Variants in TRIM2 observed in about 807,000 individuals in gnomAD.
TRIM2 encodes tripartite motif-containing protein 2.
Under a neutral mutation model 75.2 loss-of-function variants are expected in TRIM2, and 20 were observed. That is an observed-to-expected ratio of 0.27 (90% CI 0.19 to 0.39). The LOEUF is 0.39. Ranked by LOEUF, TRIM2 falls within the 10% of genes least tolerant of loss-of-function variation. The pLI is 1.00. For missense variants in TRIM2, 660 were observed against 990.8 expected (o/e 0.67, Z 4.48); for synonymous variants, 373 against 388.3 (o/e 0.96, Z 0.46).
intron 1 of TRIM2, among the ~76,000 whole-genome samples, chr4:153,242,265 G>A (rs1182709302): frequency 6.6e-6 from 1 of 151,848 alleles, no homozygotes; most frequent in East Asian, 1.9e-4. Context: ...AGGATATGCG[G>A]ATTCTTAACT....
chr4:153,203,432 CGA>C (rs1299359416), upstream of TRIM2, among the ~76,000 whole-genome samples: 68 of 145,118 alleles, frequency 4.7e-4, no homozygotes, highest in African/African-American at 1.7e-3. Context: ...CACACACACA[CGA>C]AGAAGAACAT....
At chr4:153,175,046 A>G (rs534434605) in intron 1 of TRIM2, among the ~76,000 whole-genome samples, 1 of 151,392 alleles carries the variant, frequency 6.6e-6, no homozygotes. Context: ...TTTTGCTCCT[A>G]TTGCCCAGGT....
upstream of TRIM2, among the ~76,000 whole-genome samples, chr4:153,152,966 C>G (rs1320019126): frequency 1.3e-5 from 2 of 152,230 alleles, no homozygotes; most frequent in African/African-American, 4.8e-5. Context: ...ACAGTCACTT[C>G]AGCGGCGGCG....
chr4:153,263,102 G>A (rs1314113967), intron 1 of TRIM2, among the ~76,000 whole-genome samples: 1 of 152,182 alleles, frequency 6.6e-6, no homozygotes, highest in Non-Finnish European at 1.5e-5. Flanking sequence ...AGGCTGAAGC[G>A]AGAGGATCAC....
intron 1 of TRIM2, among the ~76,000 whole-genome samples, chr4:153,161,529 C>T (rs11099872): frequency 0.44 from 66,670 of 152,004 alleles, 15,752 homozygotes; most frequent in Non-Finnish European, 0.55. Context: ...AATTTAAAGC[C>T]GTTGCTTTTC....
At chr4:153,205,617 AG>A (rs1735200167) in intron 1 of TRIM2, among the ~76,000 whole-genome samples, 1 of 152,176 alleles carries the variant, frequency 6.6e-6, no homozygotes, top group Non-Finnish European at 1.5e-5. Context: ...TATCGACAGG[AG>A]CCTGATAAAA....
At chr4:153,183,477 G>A (rs1732279857) in intron 1 of TRIM2, among the ~76,000 whole-genome samples, 2 of 152,232 alleles carry the variant, frequency 1.3e-5, no homozygotes, top group Non-Finnish European at 2.9e-5. Context: ...GAGCACAGGT[G>A]TGGGAACCTG....
chr4:153,166,343 C>T lies in TRIM2; in HGVS notation c.-49+13073C>T, dbSNP rs76313107. ...TCCATTCGTATTTAAGAGTGAGGTT[C>T]TATAACACTTGATTGGAGTCTTTGC... On this transcript the variant is annotated intron_variant, in intron 1 of 11. Transcript: ENST00000437508. 5.5e-3 allele frequency among the ~76,000 whole-genome samples: 837 copies of T among 152,252 alleles called. 5 individuals carry two copies. The highest frequency in any genetic ancestry group is 0.018 in the African/African-American group (752 of 41,558).
At chr4:153,189,333 A>G (rs536337555) in intron 1 of TRIM2, among the ~76,000 whole-genome samples, 1 of 152,342 alleles carries the variant, frequency 6.6e-6, no homozygotes, top group East Asian at 1.9e-4. Context: ...GAAATGGGGT[A>G]GGTCTTTAAA....
chr4:153,204,545 C>T lies in TRIM2; in HGVS notation c.15C>T (p.Gly5=). 6.4e-7 allele frequency: 1 copy of T among 1,551,678 alleles called. No homozygotes were observed. The change falls in exon 1 of 12, where the codon GGC becomes GGT. Residue 5 remains glycine (G), a synonymous_variant. Coordinates refer to ENST00000338700, the MANE Select transcript of TRIM2 (RefSeq NM_015271.5). ...TCTGGTCTTCGATGCACAGGAGTGGCCGTTATGGAACGCAGGTAAGGACGC... is the reference window on the plus strand; with the variant it reads ...TCTGGTCTTCGATGCACAGGAGTGGTCGTTATGGAACGCAGGTAAGGACGC... MHRS[G]RYGTQQQRAG... is the part of the protein sequence containing the mutation.
At chr4:153,252,126 C>G (rs1398360849) in intron 1 of TRIM2, among the ~76,000 whole-genome samples, 7 of 152,162 alleles carry the variant, frequency 4.6e-5, no homozygotes, top group Non-Finnish European at 1.0e-4. Context: ...TCCTCCAACC[C>G]CAATAAAGCT....
chr4:153,253,295 G>A (rs564099121), intron 1 of TRIM2, among the ~76,000 whole-genome samples: 8 of 152,250 alleles, frequency 5.3e-5, no homozygotes, highest in Non-Finnish European at 8.8e-5. Context: ...TAGTGTTGTG[G>A]GGACAGATGT....
intron 1 of TRIM2, among the ~76,000 whole-genome samples, chr4:153,210,575 G>T (rs1411020386): frequency 6.6e-6 from 1 of 152,116 alleles, no homozygotes; most frequent in East Asian, 1.9e-4. Flanking sequence ...ATTCCACTGG[G>T]GACCAAAAGG....
chr4:153,228,636 G>C (rs1195959763), intron 1 of TRIM2, among the ~76,000 whole-genome samples: 1 of 152,202 alleles, frequency 6.6e-6, no homozygotes, highest in Non-Finnish European at 1.5e-5. Context: ...TTCTTACAAT[G>C]CTGCTTTCCA....
intron 1 of TRIM2, among the ~76,000 whole-genome samples, chr4:153,191,924 C>T (rs1247759415): frequency 6.6e-6 from 1 of 152,210 alleles, no homozygotes; most frequent in East Asian, 1.9e-4. Flanking sequence ...AGCATAGAAG[C>T]TTCCCTTCAT....
At chr4:153,217,095 C>CT (rs1738683375) in intron 1 of TRIM2, among the ~76,000 whole-genome samples, 1 of 152,082 alleles carries the variant, frequency 6.6e-6, no homozygotes, top group Non-Finnish European at 1.5e-5. Flanking sequence ...CAAAGTGGCT[C>CT]TTTTTTTCTG....
intron 1 of TRIM2, among the ~76,000 whole-genome samples, chr4:153,187,489 T>C (rs887234613): frequency 6.6e-6 from 1 of 152,210 alleles, no homozygotes; most frequent in Non-Finnish European, 1.5e-5. Flanking sequence ...AGAGGAATAC[T>C]GAGAGAGCTT....
At chr4:153,267,576 G>A (rs1207546752) in intron 1 of TRIM2, among the ~76,000 whole-genome samples, 1 of 152,198 alleles carries the variant, frequency 6.6e-6, no homozygotes, top group African/African-American at 2.4e-5. Flanking sequence ...TTGTGAATCC[G>A]GGAGGCGGAG....
At chr4:153,333,529 C>A (rs1771958626) in intron 11 of TRIM2, among the ~76,000 whole-genome samples, 2 of 152,124 alleles carry the variant, frequency 1.3e-5, no homozygotes, top group Non-Finnish European at 2.9e-5. Context: ...GTACACAGGA[C>A]CTTTCTCTAC....
Sources: allele counts gnomAD v4.1 joint callset (sites outside exome capture counted in the v4.1 genomes callset), GRCh38; gene constraint gnomAD v4.1.1; transcripts MANE v1.5; gene names NCBI Gene and HGNC (gene_info 2026-07-23, HGNC 2026-07-21).